Variants in MOB3B observed in about 807,000 individuals in gnomAD.
The protein encoded by MOB3B is MOB kinase activator-like 2B.
A neutral mutation model predicts 18.7 loss-of-function variants in MOB3B; 7 were observed. The observed-to-expected ratio is 0.37, with a 90% CI of 0.21 to 0.70. The LOEUF is 0.70. MOB3B is among the 30% of genes least tolerant of loss of function. The pLI is 0.52. For missense variants in MOB3B, 253 were observed against 281.3 expected (o/e 0.90, Z 0.72); for synonymous variants, 111 against 99.9 (o/e 1.11, Z -0.66).
intron 3 of MOB3B, among the ~76,000 whole-genome samples, chr9:27,347,358 G>A (rs2131345035): frequency 6.6e-6 from 1 of 152,320 alleles, no homozygotes; most frequent in East Asian, 1.9e-4. Flanking sequence ...TCATATGCCT[G>A]CACATAGAAG....
At chr9:27,454,238 C>T (rs140765702) in intron 2 of MOB3B, among the ~76,000 whole-genome samples, 142 of 152,298 alleles carry the variant, frequency 9.3e-4, no homozygotes, top group African/African-American at 2.9e-3. Flanking sequence ...GTTTCAAATA[C>T]GTTTTTTGTA....
intron 2 of MOB3B, among the ~76,000 whole-genome samples, chr9:27,402,395 T>C (rs1004169898): frequency 6.6e-6 from 1 of 152,182 alleles, no homozygotes; most frequent in Admixed American, 6.5e-5. Context: ...ATAGAAGGTG[T>C]TCTATCTGTA....
At chr9:27,431,625 CTG>C (rs532870538) in intron 2 of MOB3B, among the ~76,000 whole-genome samples, 82 of 152,324 alleles carry the variant, frequency 5.4e-4, no homozygotes, top group African/African-American at 1.9e-3. Flanking sequence ...CCACAGAACT[CTG>C]TGTCTCCACT....
At chr9:27,378,270 A>G (rs1320667300) in intron 2 of MOB3B, 5 of 449,770 alleles carry the variant, frequency 1.1e-5, no homozygotes, top group South Asian at 8.0e-5. Context: ...TGTGTGACTG[A>G]GAATGAATCT....
rs571687479 is a variant in MOB3B at position 27,467,859 on chromosome 9, G to T, written c.-198-12111C>A. Among the ~76,000 whole-genome samples, 20 of 152,324 alleles carry T rather than the reference G, an allele frequency of 1.3e-4. No homozygotes were observed. The South Asian group carries it at 2.5e-3, about 19-fold the overall frequency. ...AGAGTTTAGAGTTAACAGGCCCATT[G>T]GTTAACAGTCTGGCTTCCATAAGAA... is the stretch of plus-strand genomic sequence containing the variant. On this transcript the variant is annotated intron_variant, in intron 1 of 3. Coordinates refer to ENST00000262244, the MANE Select transcript of MOB3B (RefSeq NM_024761.5).
chr9:27,525,002 T>G, intron 1 of MOB3B: 1 of 1,450,716 alleles, frequency 6.9e-7, no homozygotes, highest in Admixed American at 2.2e-5. Context: ...CTCCGAAATC[T>G]CTTTCTCCTT....
intron 1 of MOB3B, among the ~76,000 whole-genome samples, chr9:27,491,733 C>A (rs1399608738): frequency 6.6e-6 from 1 of 152,116 alleles, no homozygotes; most frequent in East Asian, 1.9e-4. Context: ...ATTAGCTGGG[C>A]GTGGTGGCAG....
chr9:27,368,931 C>G (rs1821377176), intron 2 of MOB3B, among the ~76,000 whole-genome samples: 1 of 152,140 alleles, frequency 6.6e-6, no homozygotes, highest in Non-Finnish European at 1.5e-5. Context: ...CTGCCTTTGT[C>G]CCCTGCTTTC....
At chr9:27,384,088 T>C (rs1318600465) in intron 2 of MOB3B, among the ~76,000 whole-genome samples, 2 of 152,148 alleles carry the variant, frequency 1.3e-5, no homozygotes, top group Admixed American at 1.3e-4. Context: ...AATCCTTTTC[T>C]ATATAATAGA....
intron 3 of MOB3B, among the ~76,000 whole-genome samples, chr9:27,334,293 C>T (rs1169371691): frequency 6.6e-6 from 1 of 151,984 alleles, no homozygotes; most frequent in Admixed American, 6.6e-5. Flanking sequence ...ATTTTTTTGT[C>T]CTTTGCGGAG....
chr9:27,384,353 AC>A (rs949835180), intron 2 of MOB3B, among the ~76,000 whole-genome samples: 2 of 152,098 alleles, frequency 1.3e-5, no homozygotes, highest in African/African-American at 4.8e-5. Flanking sequence ...TGAGAAACAG[AC>A]CAGAAGCTGA....
chr9:27,455,633 G>A lies in MOB3B; in HGVS notation c.-83C>T. ...CAGGGAGAGATCACAGCCCAACAGT[G>A]TTTTCCACTGCCAGCACTCAGGCCC... On this transcript the variant is annotated 5_prime_UTR_variant, in exon 2 of 4. Transcript: ENST00000262244. The A allele has an allele frequency of 6.3e-7, 1 of 1,589,120 alleles. No individual in the cohort carries two copies.
intron 3 of MOB3B, among the ~76,000 whole-genome samples, chr9:27,334,221 A>G (rs560824782): frequency 1.3e-3 from 193 of 152,370 alleles, no homozygotes; most frequent in Non-Finnish European, 1.6e-3. Flanking sequence ...AAAGAAAAAT[A>G]TGGGTCCAAC....
chr9:27,455,255 C>T lies in MOB3B; in HGVS notation c.296G>A (p.Arg99Gln), dbSNP rs756949269. Residue 99 changes from arginine (R) to glutamine (Q), a missense_variant, in exon 2 of 4, where the codon CGG becomes CAG. By Grantham distance (43) the Arg-to-Gln change is conservative (BLOSUM62 1). Transcript: ENST00000262244. ...CTTATACTTGAGATCATCCTGCCAC[C>T]GATACTCATATTTGGGGCCCCCTGA... is the stretch of plus-strand genomic sequence containing the variant. Reference protein sequence around the residue: ...VMSGGPKYEYRWQDDLKYKKP... With the variant: ...VMSGGPKYEYQWQDDLKYKKP... 9.3e-6 allele frequency: 15 copies of T among 1,613,920 alleles called. No homozygotes were observed. The highest frequency in any genetic ancestry group is 6.7e-5 in the Admixed American group (4 of 60,000).
intron 1 of MOB3B, among the ~76,000 whole-genome samples, chr9:27,482,986 T>A (rs974631658): frequency 4.6e-5 from 7 of 151,150 alleles, no homozygotes; most frequent in Non-Finnish European, 1.0e-4. Flanking sequence ...AAAACATAGC[T>A]ACAGCGCTTG....
intron 3 of MOB3B, among the ~76,000 whole-genome samples, chr9:27,345,117 C>T (rs879745441): frequency 1.2e-4 from 18 of 152,228 alleles, no homozygotes; most frequent in Admixed American, 1.0e-3. Context: ...TAAATGACCA[C>T]TGTCTTGTCG....
chr9:27,336,420 A>AG (rs1224170476), intron 3 of MOB3B, among the ~76,000 whole-genome samples: 1 of 152,178 alleles, frequency 6.6e-6, no homozygotes, highest in East Asian at 1.9e-4. Context: ...ACCAGGAGAA[A>AG]GGGGGAGGAA....
intron 2 of MOB3B, among the ~76,000 whole-genome samples, chr9:27,392,410 T>G (rs1158404180): frequency 1.3e-5 from 2 of 152,188 alleles, no homozygotes; most frequent in African/African-American, 4.8e-5. Flanking sequence ...GTAGTAGGAC[T>G]AGACTTCTGG....
At chr9:27,397,713 A>G (rs1821822735) in intron 2 of MOB3B, 2 of 152,232 alleles carry the variant, frequency 1.3e-5, no homozygotes, top group Admixed American at 1.3e-4. Context: ...TCTTCTATGT[A>G]CAAATAAATC....
Sources: allele counts gnomAD v4.1 joint callset (sites outside exome capture counted in the v4.1 genomes callset), GRCh38; gene constraint gnomAD v4.1.1; transcripts MANE v1.5; gene names NCBI Gene and HGNC (gene_info 2026-07-23, HGNC 2026-07-21).